Variants in ZYG11A observed in about 807,000 individuals in gnomAD.
ZYG11A encodes the protein zyg-11 family member A, cell cycle regulator, also known as protein zyg-11 homolog A.
In ZYG11A, 62 loss-of-function variants were observed where a neutral mutation model predicts 77.2. The observed-to-expected ratio is 0.80, with a 90% CI of 0.65 to 0.99. ZYG11A has a LOEUF of 0.99. ZYG11A is among the 50% of genes least tolerant of loss of function. The pLI, the probability that ZYG11A is intolerant of heterozygous loss-of-function variation, is 0.00. For missense variants in ZYG11A, 828 were observed against 896.8 expected (o/e 0.92, Z 0.98); for synonymous variants, 315 against 324.6 (o/e 0.97, Z 0.32).
At chr1:52,881,313 T>C in intron 10 of ZYG11A, 158 bp from the exon 11 acceptor site, 2 of 535,980 alleles carry the variant, frequency 3.7e-6, no homozygotes, top group South Asian at 6.1e-5. Flanking sequence ...ATCAAGGGAG[T>C]TGGATTGTGG....
At chr1:52,871,227 A>G (rs749647739) in intron 8 of ZYG11A, among the ~76,000 whole-genome samples, 1 of 152,146 alleles carries the variant, frequency 6.6e-6, no homozygotes, top group Non-Finnish European at 1.5e-5. Context: ...TTGCAGCTTC[A>G]TCTTCCTGGG....
rs527901945 is a variant in ZYG11A at position 52,869,155 on chromosome 1, T to A, written c.1542+1378T>A. 2.7e-4 allele frequency among the ~76,000 whole-genome samples: 41 copies of A among 151,804 alleles called. No homozygotes were observed. The South Asian group carries it at 8.5e-3, about 32-fold the overall frequency. On this transcript the variant is annotated intron_variant, in intron 8 of 13. Transcript: ENST00000371528. ...TCATTTATATTTTTTGTAAACTGTC[T>A]ATTCATAGCCTTTATAAGTTTTCTT...
chr1:52,874,020 C>T (rs974470409), intron 8 of ZYG11A, among the ~76,000 whole-genome samples: 18 of 151,246 alleles, frequency 1.2e-4, no homozygotes, highest in Non-Finnish European at 2.1e-4. Flanking sequence ...AAAAAGAGAA[C>T]GAAGTTCTTT....
intron 13 of ZYG11A, among the ~76,000 whole-genome samples, chr1:52,890,674 A>C (rs1013244259): frequency 2.0e-5 from 3 of 149,830 alleles, no homozygotes; most frequent in Admixed American, 6.6e-5. Flanking sequence ...TGGCACAGTC[A>C]CAGCTCACTG....
chr1:52,884,493 C>CA (rs533428837), intron 11 of ZYG11A, among the ~76,000 whole-genome samples: 51,155 of 98,752 alleles, frequency 0.52, 12,091 homozygotes, highest in Non-Finnish European at 0.62. Context: ...GAGACTGCCT[C>CA]AAAAAAAAAA....
At chr1:52,878,949 CAAAAAAAAAA>C (rs914463472) in intron 10 of ZYG11A, among the ~76,000 whole-genome samples, 249 of 27,256 alleles carry the variant, frequency 9.1e-3, no homozygotes, top group African/African-American at 0.019. Flanking sequence ...AAACTCTGCT[CAAAAAAAAAA>C]AAAAAAAAAA....
chr1:52,877,659 C>T (rs996713856), intron 8 of ZYG11A, 23 bp from the exon 9 acceptor site: 3 of 1,538,762 alleles, frequency 1.9e-6, no homozygotes, highest in South Asian at 1.2e-5. Context: ...ATCTAACTCC[C>T]TCCCTGTCTC....
At position 52,877,671 on chromosome 1, in the gene ZYG11A, T is replaced by C. The variant is rs777868032; in HGVS notation, c.1543-11T>C. 6.5e-7 allele frequency: 1 copy of C among 1,543,924 alleles called. No individual in the cohort carries two copies. The highest frequency in any genetic ancestry group is 2.4e-5 in the East Asian group (1 of 40,866). Reference sequence around the variant, plus strand: ...AGCATCTAACTCCCTCCCTGTCTCTTTGGTTTTTAGGAACTTCTAGCAATA... The same window carrying C: ...AGCATCTAACTCCCTCCCTGTCTCTCTGGTTTTTAGGAACTTCTAGCAATA... On this transcript the variant is annotated splice_polypyrimidine_tract_variant and intron_variant, in intron 8 of 13. Transcript: ENST00000371528.
intron 8 of ZYG11A, among the ~76,000 whole-genome samples, chr1:52,872,565 AATTAT>A (rs886389892): frequency 4.6e-5 from 7 of 150,870 alleles, no homozygotes; most frequent in Non-Finnish European, 8.9e-5. Flanking sequence ...ATTATTTATT[AATTAT>A]ATTATTTATT....
chr1:52,880,066 CTT>C (rs10682296), intron 10 of ZYG11A, among the ~76,000 whole-genome samples: 17 of 110,112 alleles, frequency 1.5e-4, no homozygotes, highest in African/African-American at 4.1e-4. Context: ...ACCCAGCCCA[CTT>C]TTTTTTTTTT....
intron 10 of ZYG11A, among the ~76,000 whole-genome samples, chr1:52,880,479 C>T (rs1220597496): frequency 6.6e-6 from 1 of 152,152 alleles, no homozygotes; most frequent in Non-Finnish European, 1.5e-5. Flanking sequence ...ATCCCCTACC[C>T]TTGAGTGTGG....
chr1:52,853,791 C>T (rs1645758242), intron 1 of ZYG11A, among the ~76,000 whole-genome samples: 1 of 151,998 alleles, frequency 6.6e-6, no homozygotes, highest in Admixed American at 6.6e-5. Context: ...GCTTGTAGTC[C>T]CAGTTACTCA....
chr1:52,863,202 TCA>T (rs1401283944), intron 4 of ZYG11A, among the ~76,000 whole-genome samples: 10 of 152,298 alleles, frequency 6.6e-5, no homozygotes, highest in Admixed American at 6.5e-4. Flanking sequence ...AGGAAACAGA[TCA>T]CAGTGTCCTT....
chr1:52,889,202 G>T (rs577484581), intron 13 of ZYG11A, among the ~76,000 whole-genome samples: 4 of 151,354 alleles, frequency 2.6e-5, no homozygotes, highest in Admixed American at 6.6e-5. Context: ...GAAGTGCAGC[G>T]GCTTGATCAC....
Position 52,857,757 on chromosome 1 carries a change from C to T in ZYG11A, c.1008+8C>T, listed in dbSNP as rs1479672056. ...ACAAAGCAAGGCTTGAGGGTTTGTT[C>T]TTATCTGAATAAGTTTTGTTTCATT... On this transcript the variant is annotated splice_region_variant and intron_variant, in intron 3 of 13. Coordinates refer to ENST00000371528, the MANE Select transcript of ZYG11A (RefSeq NM_001004339.3). The T allele has an allele frequency of 6.6e-7, 1 of 1,521,918 alleles. No homozygotes were observed. Among genetic ancestry groups the T allele is most frequent in the Non-Finnish European group, 8.8e-7 (1 of 1,135,032 alleles). The allele number at this position is 1,521,918 out of a possible 1,614,324, so 94.3% of individuals were successfully genotyped here.
intron 8 of ZYG11A, among the ~76,000 whole-genome samples, chr1:52,871,222 G>C (rs913018214): frequency 5.3e-5 from 8 of 152,160 alleles, no homozygotes; most frequent in African/African-American, 1.9e-4. Context: ...GTTCATTGCA[G>C]CTTCATCTTC....
rs1646287421 is a variant in ZYG11A, at chr1:52,877,777, G to A, written c.1638G>A (p.Gly546=). The A allele has an allele frequency of 1.3e-6, 2 of 1,551,704 alleles. No homozygotes were observed. The highest frequency in any genetic ancestry group is 1.4e-5 in the African/African-American group (1 of 73,030). Residue 546 remains glycine, a synonymous_variant, in exon 9 of 14, where the codon GGG becomes GGA. Transcript: ENST00000371528. The stretch of plus-strand genomic sequence containing the variant: ...AAGCACTTTGGAATCTTACAGATGG[G>A]TCTCCAGCTGCCTGCAAGCACTTCA... ...TLKALWNLTD[G]SPAACKHFIE...
chr1:52,874,641 C>T (rs1031104679), intron 8 of ZYG11A, among the ~76,000 whole-genome samples: 2 of 151,972 alleles, frequency 1.3e-5, no homozygotes, highest in East Asian at 1.9e-4. Context: ...CTGAGGCAGG[C>T]GGATCATGTG....
chr1:52,851,407 A>C (rs765813747), intron 1 of ZYG11A, among the ~76,000 whole-genome samples: 24 of 147,114 alleles, frequency 1.6e-4, no homozygotes, highest in South Asian at 2.2e-4. Flanking sequence ...TATTCTTCTT[A>C]TTATTTTTGA....
Sources: allele counts gnomAD v4.1 joint callset (sites outside exome capture counted in the v4.1 genomes callset), GRCh38; gene constraint gnomAD v4.1.1; transcripts MANE v1.5; gene names NCBI Gene and HGNC (gene_info 2026-07-23, HGNC 2026-07-21).